HEATR5A: variants seen among roughly 807,000 people sequenced by gnomAD.
The protein encoded by HEATR5A is HEAT repeat containing 5A.
A neutral mutation model predicts 218.8 loss-of-function variants in HEATR5A; 178 were observed. That is an observed-to-expected ratio of 0.81 (90% CI 0.72 to 0.92). HEATR5A has a LOEUF of 0.92. Ranked by LOEUF, HEATR5A falls within the 40% of genes least tolerant of loss-of-function variation. The pLI is 0.00. For missense variants in HEATR5A, 2,420 were observed against 2,418.9 expected, an observed-to-expected ratio of 1.00 and a Z score of -0.01; for synonymous variants, 864 against 871.6, an observed-to-expected ratio of 0.99 and a Z score of 0.15.
chr14:31,325,484 A>ATATGTATGTATGTATGTATG (rs543647892), intron 23 of HEATR5A, among the ~76,000 whole-genome samples: 4 of 142,172 alleles, frequency 2.8e-5, no homozygotes, highest in African/African-American at 9.0e-5. Context: ...ATGTATGAAC[A>ATATGTATGTATGTATGTATG]TATGTATGTA....
chr14:31,313,324 G>A, intron 27 of HEATR5A, 134 bp from the exon 28 acceptor site: 1 of 664,432 alleles, frequency 1.5e-6, no homozygotes, highest in Non-Finnish European at 2.6e-6. Context: ...ATATCAAGAA[G>A]GCCTGTCTGT....
At chr14:31,372,887 CCT>C (rs574563233) in intron 12 of HEATR5A, among the ~76,000 whole-genome samples, 31 of 149,250 alleles carry the variant, frequency 2.1e-4, no homozygotes, top group African/African-American at 7.0e-4. Context: ...TCTCTCTCTC[CCT>C]CTCTCTCTCT....
intron 14 of HEATR5A, among the ~76,000 whole-genome samples, chr14:31,360,272 C>T (rs1901573720): frequency 6.6e-6 from 1 of 152,098 alleles, no homozygotes; most frequent in Non-Finnish European, 1.5e-5. Context: ...TTGTTTTGTA[C>T]AATTTTCTAC....
chr14:31,390,707 AC>A (rs1242815968), intron 6 of HEATR5A, among the ~76,000 whole-genome samples: 2 of 152,196 alleles, frequency 1.3e-5, no homozygotes, highest in Non-Finnish European at 2.9e-5. Flanking sequence ...GGTGATGTTC[AC>A]GTAAACAACC....
intron 13 of HEATR5A, among the ~76,000 whole-genome samples, chr14:31,367,020 T>C (rs1219896617): frequency 6.6e-6 from 1 of 152,198 alleles, no homozygotes; most frequent in Admixed American, 6.5e-5. Flanking sequence ...ATGGCAGTTA[T>C]CTAATAAAGT....
intron 21 of HEATR5A, 37 bp downstream of exon 21, chr14:31,343,857 TAA>T: frequency 6.8e-7 from 1 of 1,469,232 alleles, no homozygotes; most frequent in Non-Finnish European, 9.1e-7. Context: ...AAGATTCAAA[TAA>T]AAGAAACTAA....
chr14:31,336,809 C>A (rs1900686884), intron 22 of HEATR5A, among the ~76,000 whole-genome samples: 1 of 152,148 alleles, frequency 6.6e-6, no homozygotes, highest in Non-Finnish European at 1.5e-5. Flanking sequence ...AACTTTAGTA[C>A]AGTCATGCAT....
rs561438998 is a variant in HEATR5A at position 31,371,685 on chromosome 14, A to G, written c.1961+125T>C. 1.3e-4 allele frequency: 57 copies of G among 447,706 alleles called. 1 individual carries two copies. The South Asian group carries it at 1.7e-3, about 13-fold the overall frequency. The allele number at this position is 447,706 out of a possible 1,614,324, so 27.7% of individuals were successfully genotyped here. ...AGATCCTAGCCTAAAAAAAAATCAT[A>G]TAACTAACTGATTGCCTTCCTCCAT... On this transcript the variant is annotated intron_variant, in intron 13 of 35. Coordinates refer to ENST00000543095, the MANE Select transcript of HEATR5A (RefSeq NM_015473.4).
At position 31,326,160 on chromosome 14, in the gene HEATR5A, T is replaced by TA; in HGVS notation, c.3547+2dup. On this transcript the variant is annotated splice_region_variant and intron_variant, in intron 23 of 35. Coordinates refer to ENST00000543095, the MANE Select transcript of HEATR5A (RefSeq NM_015473.4). ...ATTTTAACTGATAATGTCCAATACT[T>TA]ACCAGCTGATGCAGCAAGTACATCT... 6.2e-7 allele frequency: 1 copy of TA among 1,609,992 alleles called. No individual in the cohort carries two copies. Among genetic ancestry groups the TA allele is most frequent in the Non-Finnish European group, 8.5e-7 (1 of 1,176,472 alleles).
intron 18 of HEATR5A, among the ~76,000 whole-genome samples, chr14:31,349,277 A>G (rs569205983): frequency 2.0e-5 from 3 of 151,952 alleles, no homozygotes; most frequent in Non-Finnish European, 4.4e-5. Flanking sequence ...AATCCCAGCT[A>G]CTCGCGAGGC....
Position 31,398,784 on chromosome 14 carries a change from G to A in HEATR5A, c.339-3C>T. On this transcript the variant is annotated splice_polypyrimidine_tract_variant and splice_region_variant and intron_variant, in intron 3 of 35. Coordinates refer to ENST00000543095, the MANE Select transcript of HEATR5A (RefSeq NM_015473.4). ...AACCCAAACATACCACAGCAGCACTGAAACAACATTTAAATTAGAAATTAG... is the reference window on the plus strand; with the variant it reads ...AACCCAAACATACCACAGCAGCACTAAAACAACATTTAAATTAGAAATTAG... 1 of 1,475,522 alleles carries A rather than the reference G, an allele frequency of 6.8e-7. No individual in the cohort carries two copies. The highest frequency in any genetic ancestry group is 9.1e-7 in the Non-Finnish European group (1 of 1,093,426). 91.4% of individuals were successfully genotyped at this position (1,475,522 alleles called of 1,614,324 possible). A position where few individuals can be genotyped will look rare whatever the true frequency, so the allele number is the denominator to read the frequency against.
At chr14:31,326,826 G>A (rs1004358971) in intron 22 of HEATR5A, among the ~76,000 whole-genome samples, 2 of 151,602 alleles carry the variant, frequency 1.3e-5, no homozygotes, top group South Asian at 4.2e-4. Flanking sequence ...TTTATTTTTA[G>A]TAGAGATGGG....
chr14:31,309,232 TTC>T (rs1270561375), intron 28 of HEATR5A, 50 bp from the exon 29 acceptor site: 1 of 1,577,324 alleles, frequency 6.3e-7, no homozygotes. Flanking sequence ...CCAATATATT[TTC>T]TCTTTTTTCT....
chr14:31,412,135 C>T (rs906015080), intron 1 of HEATR5A, among the ~76,000 whole-genome samples: 1 of 151,990 alleles, frequency 6.6e-6, no homozygotes, highest in Non-Finnish European at 1.5e-5. Context: ...GGATTACAGG[C>T]GTTGAGTCAC....
chr14:31,366,800 A>G (rs1210637748), intron 13 of HEATR5A, among the ~76,000 whole-genome samples: 1 of 152,230 alleles, frequency 6.6e-6, no homozygotes, highest in East Asian at 1.9e-4. Flanking sequence ...AGGAACATAA[A>G]TATCAATACC....
In HEATR5A at chr14:31,301,849, G is replaced by A. The variant is rs527498396; in HGVS notation, c.5464+446C>T. ...TTTTTTTTTTTTGAGACAGAGTCTC[G>A]CTCTGTTGTCCAGGCTGGAGTGCAA... is the stretch of plus-strand genomic sequence containing the variant. On this transcript the variant is annotated intron_variant, in intron 33 of 35. Transcript: ENST00000543095. Among the ~76,000 whole-genome samples, 21 of 120,848 alleles carry A rather than the reference G, an allele frequency of 1.7e-4. No homozygotes were observed. In the South Asian group the frequency reaches 5.0e-3, roughly 29 times the overall value. The allele number at this position is 120,848 out of a possible 152,430, so 79.3% of individuals were successfully genotyped here. A position where few individuals can be genotyped will look rare whatever the true frequency, so the allele number is the denominator to read the frequency against.
At chr14:31,331,318 G>A (rs1358002021) in intron 22 of HEATR5A, among the ~76,000 whole-genome samples, 5 of 152,060 alleles carry the variant, frequency 3.3e-5, no homozygotes, top group Non-Finnish European at 7.4e-5. Context: ...TCTAGGGCAG[G>A]AGCAAAACGC....
Position 31,292,396 on chromosome 14 carries a change from C to CT in HEATR5A, c.*908dup, listed in dbSNP as rs1899054876. On this transcript the variant is annotated 3_prime_UTR_variant, in exon 36 of 36. Coordinates refer to ENST00000543095, the MANE Select transcript of HEATR5A (RefSeq NM_015473.4). ...ACTCAATTTCTGAACCCAATATAAA[C>CT]TAAACCAAAAGATGGTGGAAAACCA... is the stretch of plus-strand genomic sequence containing the variant. The CT allele has an allele frequency of 6.6e-6, 1 of 152,072 alleles. No homozygotes were observed. The highest frequency in any genetic ancestry group is 2.4e-5 in the African/African-American group (1 of 41,420). 9.4% of individuals were successfully genotyped at this position (152,072 alleles called of 1,614,324 possible).
intron 22 of HEATR5A, among the ~76,000 whole-genome samples, chr14:31,328,065 C>T (rs1900329586): frequency 6.6e-6 from 1 of 152,168 alleles, no homozygotes; most frequent in African/African-American, 2.4e-5. Flanking sequence ...TCTCCTGCCT[C>T]AGCCTCTCCA....
Sources: allele counts gnomAD v4.1 joint callset (sites outside exome capture counted in the v4.1 genomes callset), GRCh38; gene constraint gnomAD v4.1.1; transcripts MANE v1.5; gene names NCBI Gene and HGNC (gene_info 2026-07-23, HGNC 2026-07-21).